Variants in ANK3 observed in about 807,000 individuals in gnomAD.
The protein encoded by ANK3 is ankyrin 3, also known as ankyrin-3.
A neutral mutation model predicts 370.9 loss-of-function variants in ANK3; 57 were observed. The ratio of observed to expected loss-of-function variants is 0.15; its 90% CI spans 0.12 to 0.19. The LOEUF (loss-of-function observed/expected upper bound fraction) is 0.19, where lower values mean the gene tolerates loss of function less well. ANK3 is among the 10% of genes least tolerant of loss of function. The pLI, the probability that ANK3 is intolerant of heterozygous loss-of-function variation, is 1.00. For missense variants in ANK3, 4,439 were observed against 5,302.1 expected (o/e 0.84, Z 5.06); for synonymous variants, 1,929 against 1,946.3 (o/e 0.99, Z 0.23).
At chr10:60,693,647 C>G (rs1433773702) in intron 1 of ANK3, among the ~76,000 whole-genome samples, 1 of 152,186 alleles carries the variant, frequency 6.6e-6, no homozygotes, top group African/African-American at 2.4e-5. Context: ...CAGATTGACC[C>G]CTCACACAGC....
intron 2 of ANK3, among the ~76,000 whole-genome samples, chr10:60,479,186 T>C (rs976974098): frequency 2.0e-5 from 3 of 152,142 alleles, no homozygotes; most frequent in Non-Finnish European, 4.4e-5. Flanking sequence ...ATAAAAAGCG[T>C]ACTGTCATGC....
chr10:60,262,067 G>A, intron 6 of ANK3, 110 bp from the exon 7 acceptor site: 1 of 834,308 alleles, frequency 1.2e-6, no homozygotes, highest in Non-Finnish European at 1.9e-6. Flanking sequence ...ATATGCTGAG[G>A]TCTATGTTCC....
At chr10:60,123,797 T>G (rs889742635) in intron 25 of ANK3, among the ~76,000 whole-genome samples, 8 of 152,126 alleles carry the variant, frequency 5.3e-5, no homozygotes, top group Non-Finnish European at 1.0e-4. Context: ...TTAGTAACAG[T>G]TGGATGATAC....
rs753149099 is a variant in ANK3, at chr10:60,072,153, T to A, written c.8728A>T (p.Asn2910Tyr). Residue 2910 changes from asparagine to tyrosine, a missense_variant, in exon 37 of 44, where the codon AAC becomes TAC. Physicochemically the swap from Asn to Tyr is moderately radical, Grantham distance 143 (BLOSUM62 -2). This residue lies in a region of ANK3 where 1,601 missense variants were observed against 1,731.7 expected (regional missense o/e 0.92). Coordinates refer to ENST00000280772, the MANE Select transcript of ANK3 (RefSeq NM_020987.5). ...TCTTTAATTTCTGAGAGAGAGCCGT[T>A]TGTTAACAATTTGCGTTCTCTCTCA... ...VTERERKLLT[N>Y]GSLSEIKEMT... 3 of 1,613,906 alleles carry A rather than the reference T, an allele frequency of 1.9e-6. No individual in the cohort carries two copies. The Admixed American group carries it at 5.0e-5, about 27-fold the overall frequency.
intron 2 of ANK3, among the ~76,000 whole-genome samples, chr10:60,596,509 A>G (rs2077989963): frequency 6.6e-6 from 1 of 152,182 alleles, no homozygotes; most frequent in African/African-American, 2.4e-5. Flanking sequence ...ATATTGTGTA[A>G]GAAATAATTT....
intron 1 of ANK3, among the ~76,000 whole-genome samples, chr10:60,353,693 G>A (rs1202451018): frequency 6.6e-6 from 1 of 152,172 alleles, no homozygotes; most frequent in African/African-American, 2.4e-5. Flanking sequence ...TTGTTCTGGG[G>A]AAAGGGGAAA....
At chr10:60,663,990 C>G (rs1444198766) in intron 1 of ANK3, among the ~76,000 whole-genome samples, 3 of 152,184 alleles carry the variant, frequency 2.0e-5, no homozygotes, top group Non-Finnish European at 4.4e-5. Context: ...AGCACTCTTC[C>G]TCTTATTGCA....
intron 1 of ANK3, among the ~76,000 whole-genome samples, chr10:60,657,204 G>A (rs2133368370): frequency 6.6e-6 from 1 of 152,132 alleles, no homozygotes; most frequent in East Asian, 1.9e-4. Flanking sequence ...ACTATCACCA[G>A]AAAAGGATGA....
At chr10:60,548,040 A>C (rs937694526) in intron 2 of ANK3, among the ~76,000 whole-genome samples, 2 of 152,206 alleles carry the variant, frequency 1.3e-5, no homozygotes, top group Admixed American at 1.3e-4. Flanking sequence ...CTCTGAGGAC[A>C]GGTTCTCATC....
At chr10:60,189,960 T>C (rs551436575) in intron 16 of ANK3, among the ~76,000 whole-genome samples, 1 of 152,310 alleles carries the variant, frequency 6.6e-6, no homozygotes, top group African/African-American at 2.4e-5. Flanking sequence ...TGATAAATAA[T>C]ACTTAAAGCT....
intron 25 of ANK3, among the ~76,000 whole-genome samples, chr10:60,115,884 C>T (rs1166598995): frequency 6.6e-6 from 1 of 152,088 alleles, no homozygotes; most frequent in Non-Finnish European, 1.5e-5. Context: ...AAGATAATGG[C>T]TATGAATGTG....
At chr10:60,385,688 A>C (rs974817770) in intron 1 of ANK3, among the ~76,000 whole-genome samples, 3 of 152,194 alleles carry the variant, frequency 2.0e-5, no homozygotes, top group Admixed American at 6.5e-5. Flanking sequence ...ATTTTATCCC[A>C]GTATCTAGCA....
chr10:60,106,264 G>A (rs771660681), intron 27 of ANK3, among the ~76,000 whole-genome samples: 3 of 152,084 alleles, frequency 2.0e-5, no homozygotes, highest in Non-Finnish European at 4.4e-5. Context: ...TTCACAAACA[G>A]TTCTTGGAGG....
chr10:60,129,682 G>T (rs1259174255), intron 25 of ANK3, among the ~76,000 whole-genome samples: 1 of 152,168 alleles, frequency 6.6e-6, no homozygotes, highest in Non-Finnish European at 1.5e-5. Flanking sequence ...GAACCCAGGA[G>T]GTGGAGGTTG....
chr10:60,524,997 T>C (rs1051707300), intron 2 of ANK3, among the ~76,000 whole-genome samples: 1 of 152,162 alleles, frequency 6.6e-6, no homozygotes, highest in Admixed American at 6.6e-5. Flanking sequence ...ATCATTGTGA[T>C]ATTTGATATC....
chr10:60,055,376 C>T (rs542691753), intron 42 of ANK3, among the ~76,000 whole-genome samples: 6 of 152,294 alleles, frequency 3.9e-5, no homozygotes, highest in Non-Finnish European at 7.4e-5. Context: ...CTCTCTGGTT[C>T]TTGTCCCTCC....
chr10:60,667,577 C>G (rs7898737), intron 1 of ANK3, among the ~76,000 whole-genome samples: 48,778 of 148,324 alleles, frequency 0.33, 8,549 homozygotes, highest in African/African-American at 0.36. Context: ...AGATAATCTT[C>G]TGGAAATATT....
intron 1 of ANK3, among the ~76,000 whole-genome samples, chr10:60,664,560 A>G (rs183753760): frequency 1.1e-3 from 169 of 152,360 alleles, no homozygotes; most frequent in Non-Finnish European, 2.2e-3. Flanking sequence ...CAGAGAAACC[A>G]GAATAAATTA....
intron 7 of ANK3, among the ~76,000 whole-genome samples, chr10:60,258,111 A>T (rs973719296): frequency 4.6e-5 from 7 of 152,250 alleles, no homozygotes; most frequent in Non-Finnish European, 7.3e-5. Context: ...CTGGAATGAC[A>T]ATCAGTACTA....
Sources: gnomAD v4.1 joint callset for allele counts (sites outside exome capture counted in the v4.1 genomes callset) on GRCh38, gnomAD v4.1.1 for gene constraint, gnomAD v4.1.1 regional missense constraint, MANE v1.5 for transcripts, NCBI Gene and HGNC (gene_info 2026-07-23, HGNC 2026-07-21) for gene names.